The following NR6A1 variants were observed in gnomAD, a reference collection of about 807,000 sequenced individuals.
NR6A1 encodes retinoic acid receptor-related testis-associated receptor.
Under a neutral mutation model 59.1 loss-of-function variants are expected in NR6A1, and 7 were observed. That is an observed-to-expected ratio of 0.12 (90% CI 0.07 to 0.22). The LOEUF (loss-of-function observed/expected upper bound fraction) is 0.22, where lower values mean the gene tolerates loss of function less well. Ranked by LOEUF, NR6A1 falls within the 10% of genes least tolerant of loss-of-function variation. The probability of loss-of-function intolerance (pLI) is 1.00; values close to 1 mark genes in which losing one functional copy is unlikely to be tolerated. For missense variants in NR6A1, 468 were observed against 611.6 expected (o/e 0.77, Z 2.48); for synonymous variants, 243 against 236.1 (o/e 1.03, Z -0.27).
intron 2 of NR6A1, among the ~76,000 whole-genome samples, chr9:124,597,986 A>C (rs546120110): frequency 2.3e-4 from 35 of 152,158 alleles, no homozygotes; most frequent in African/African-American, 8.4e-4. Context: ...ACTACAGGGG[A>C]CTACAGGCAC....
chr9:124,566,393 A>G lies in NR6A1; in HGVS notation c.143-11823T>C, dbSNP rs547715105. 4.6e-5 allele frequency among the ~76,000 whole-genome samples: 7 copies of G among 152,334 alleles called. 1 individual carries two copies. The South Asian group carries it at 1.4e-3, about 32-fold the overall frequency. On this transcript the variant is annotated intron_variant, in intron 2 of 9. Coordinates refer to ENST00000487099, the MANE Select transcript of NR6A1 (RefSeq NM_033334.4). ...ATTTATCTTTAAGTATTAATATTTC[A>G]TAATTAAAAAGCTGAAAATAAAACA...
intron 5 of NR6A1, 110 bp from the exon 6 acceptor site, chr9:124,538,429 C>A (rs1328376646): frequency 1.3e-6 from 1 of 743,870 alleles, no homozygotes; most frequent in East Asian, 2.5e-5. Context: ...AGGTATGTGT[C>A]TTCATCAAGC....
intron 2 of NR6A1, among the ~76,000 whole-genome samples, chr9:124,582,767 A>T (rs1328489408): frequency 6.6e-6 from 1 of 152,184 alleles, no homozygotes; most frequent in Non-Finnish European, 1.5e-5. Context: ...GTGTGCCTGT[A>T]GTCCCAGCTA....
chr9:124,613,473 C>T (rs1043645823), intron 2 of NR6A1, among the ~76,000 whole-genome samples: 6 of 151,862 alleles, frequency 4.0e-5, no homozygotes, highest in Admixed American at 2.6e-4. Context: ...ATGACAAGAC[C>T]GTCTCTAAAA....
At position 124,754,401 on chromosome 9, in the gene NR6A1, A is replaced by G. The variant is rs142051809; in HGVS notation, c.100+16619T>C. ...AAAATTCATATTGATGAGACAGTTA[A>G]TTACCTTTTAAGGATTTCTGCCAAG... On this transcript the variant is annotated intron_variant, in intron 1 of 9. Coordinates refer to ENST00000487099, the MANE Select transcript of NR6A1 (RefSeq NM_033334.4). Among the ~76,000 whole-genome samples the G allele has an allele frequency of 2.4e-3, 367 of 152,320 alleles. 1 individual carries two copies. Among genetic ancestry groups the G allele is most frequent in the African/African-American group, 8.2e-3 (339 of 41,570 alleles).
chr9:124,568,432 G>C (rs1383614784), intron 2 of NR6A1, among the ~76,000 whole-genome samples: 1 of 151,166 alleles, frequency 6.6e-6, no homozygotes, highest in African/African-American at 2.4e-5. Flanking sequence ...GCAGTGAACC[G>C]AGATTGTGCC....
intron 2 of NR6A1, among the ~76,000 whole-genome samples, chr9:124,731,772 T>C (rs1156495981): frequency 3.3e-5 from 5 of 152,220 alleles, no homozygotes; most frequent in Non-Finnish European, 7.3e-5. Flanking sequence ...TGTAACAATA[T>C]AGAATATAAT....
intron 2 of NR6A1, among the ~76,000 whole-genome samples, chr9:124,711,317 C>T (rs1466484922): frequency 2.0e-5 from 3 of 151,920 alleles, no homozygotes; most frequent in Non-Finnish European, 2.9e-5. Flanking sequence ...TTTTCACAGC[C>T]CTATAAATTC....
intron 1 of NR6A1, among the ~76,000 whole-genome samples, chr9:124,742,605 T>G (rs577437660): frequency 1.3e-5 from 2 of 150,066 alleles, no homozygotes; most frequent in Non-Finnish European, 3.0e-5. Flanking sequence ...AGCTGGGCAC[T>G]GTGGCTCACG....
chr9:124,724,999 T>G (rs1839668450), intron 2 of NR6A1, among the ~76,000 whole-genome samples: 3 of 152,312 alleles, frequency 2.0e-5, no homozygotes, highest in African/African-American at 7.2e-5. Flanking sequence ...CATAAATCAA[T>G]TATTTCTCCT....
At chr9:124,692,421 G>C (rs753479264) in intron 2 of NR6A1, 7 of 524,022 alleles carry the variant, frequency 1.3e-5, no homozygotes, top group Non-Finnish European at 2.8e-5. Context: ...ACTGGTTCTT[G>C]GGATGTGGAT....
At position 124,727,669 on chromosome 9, in the gene NR6A1, G is replaced by A. The variant is rs147524094; in HGVS notation, c.142+5639C>T. On this transcript the variant is annotated intron_variant, in intron 2 of 9. Coordinates refer to ENST00000487099, the MANE Select transcript of NR6A1 (RefSeq NM_033334.4). ...AAATATTGTGACTCTTATGCTCTCC[G>A]CTTTTTAATGACTTTATTTATTTAT... Among the ~76,000 whole-genome samples the A allele has an allele frequency of 4.9e-3, 742 of 152,108 alleles. 2 individuals are homozygous for A. The highest frequency in any genetic ancestry group is 0.02 in the South Asian group (97 of 4,824).
At chr9:124,668,291 A>G (rs1837688772) in intron 2 of NR6A1, among the ~76,000 whole-genome samples, 1 of 152,108 alleles carries the variant, frequency 6.6e-6, no homozygotes, top group African/African-American at 2.4e-5. Context: ...TAGGCCAAAG[A>G]GGAGGAGGAA....
chr9:124,546,643 A>G (rs1322085783), intron 3 of NR6A1, among the ~76,000 whole-genome samples: 1 of 152,212 alleles, frequency 6.6e-6, no homozygotes. Flanking sequence ...TTTAAAAATT[A>G]ACTTTGATTT....
chr9:124,702,682 C>T (rs1390530385), intron 2 of NR6A1, among the ~76,000 whole-genome samples: 2 of 152,086 alleles, frequency 1.3e-5, no homozygotes, highest in Non-Finnish European at 2.9e-5. Context: ...ACCTCCTCCT[C>T]TCTTGCTCTT....
intron 2 of NR6A1, among the ~76,000 whole-genome samples, chr9:124,660,860 A>T (rs1270115075): frequency 6.6e-6 from 1 of 152,162 alleles, no homozygotes; most frequent in Non-Finnish European, 1.5e-5. Flanking sequence ...GATTAGCTGT[A>T]CACTCTGGTA....
chr9:124,554,696 G>T, intron 2 of NR6A1, 126 bp from the exon 3 acceptor site: 1 of 1,182,630 alleles, frequency 8.5e-7, no homozygotes, highest in East Asian at 2.4e-5. Context: ...CAAACAGGGG[G>T]CCCATCTTCG....
At chr9:124,593,766 T>C (rs1311520268) in intron 2 of NR6A1, among the ~76,000 whole-genome samples, 3 of 152,186 alleles carry the variant, frequency 2.0e-5, no homozygotes, top group African/African-American at 2.4e-5. Context: ...GCATCTATCT[T>C]GAAGTGTGCA....
chr9:124,629,564 C>T (rs1313848318), intron 2 of NR6A1, among the ~76,000 whole-genome samples: 1 of 152,178 alleles, frequency 6.6e-6, no homozygotes, highest in Admixed American at 6.5e-5. Context: ...GAGCTAGAAC[C>T]TGACTCCAAG....
Sources: allele counts gnomAD v4.1 joint callset (sites outside exome capture counted in the v4.1 genomes callset), GRCh38; gene constraint gnomAD v4.1.1; transcripts MANE v1.5; gene names NCBI Gene and HGNC (gene_info 2026-07-23, HGNC 2026-07-21).